Variants in RNF17 observed in about 807,000 individuals in gnomAD.
The protein encoded by RNF17 is ring finger protein 17.
In RNF17, 31 loss-of-function variants were observed where a neutral mutation model predicts 200.5. The observed-to-expected ratio is 0.15, with a 90% CI of 0.12 to 0.21. The LOEUF is 0.21. RNF17 is among the 10% of genes least tolerant of loss of function. RNF17 has a pLI of 1.00. For missense variants in RNF17, 1,628 were observed against 1,905.1 expected (o/e 0.85, Z 2.71); for synonymous variants, 606 against 637.8 (o/e 0.95, Z 0.75).
At chr13:24,863,245 G>A (rs981965859) in intron 28 of RNF17, among the ~76,000 whole-genome samples, 1 of 152,180 alleles carries the variant, frequency 6.6e-6, no homozygotes, top group African/African-American at 2.4e-5. Flanking sequence ...AACATGCCAA[G>A]AGCTAAGTGA....
downstream of RNF17, among the ~76,000 whole-genome samples, chr13:24,881,050 A>G (rs1380023096): frequency 2.0e-5 from 3 of 152,120 alleles, no homozygotes; most frequent in Admixed American, 1.3e-4. Context: ...GAAACAATGT[A>G]TTCTAGTCAT....
intron 6 of RNF17, 44 bp downstream of exon 6, chr13:24,781,988 A>T: frequency 8.4e-7 from 1 of 1,188,478 alleles, no homozygotes; most frequent in Non-Finnish European, 1.2e-6. Context: ...TGAAGTTTCT[A>T]ACACTAACTT....
chr13:24,808,641 TCTC>T (rs1325197532), intron 15 of RNF17, among the ~76,000 whole-genome samples: 1 of 91,284 alleles, frequency 1.1e-5, no homozygotes, highest in East Asian at 2.8e-4. Flanking sequence ...TTTATTTCCT[TCTC>T]CTGCCTAATT....
intron 15 of RNF17, among the ~76,000 whole-genome samples, chr13:24,819,608 A>G (rs565043184): frequency 6.6e-6 from 1 of 152,358 alleles, no homozygotes; most frequent in Admixed American, 6.5e-5. Flanking sequence ...AGTTAATACC[A>G]ACATAATTTT....
chr13:24,804,799 A>G (rs1236704290), intron 15 of RNF17, among the ~76,000 whole-genome samples: 1 of 152,210 alleles, frequency 6.6e-6, no homozygotes, highest in Non-Finnish European at 1.5e-5. Flanking sequence ...CAAAATAGAC[A>G]CAGATTAAAG....
intron 7 of RNF17, among the ~76,000 whole-genome samples, chr13:24,788,690 G>A (rs1301704250): frequency 6.6e-6 from 1 of 152,030 alleles, no homozygotes; most frequent in Non-Finnish European, 1.5e-5. Flanking sequence ...GTGCCTGAGG[G>A]GTAGAATTGG....
intron 25 of RNF17, among the ~76,000 whole-genome samples, chr13:24,855,439 CCAA>C (rs1329412785): frequency 6.6e-6 from 1 of 151,900 alleles, no homozygotes; most frequent in African/African-American, 2.4e-5. Flanking sequence ...ACCAGCCTGG[CCAA>C]CATGGTGAAA....
At chr13:24,861,484 T>G (rs557328884) in intron 27 of RNF17, 97 bp downstream of exon 27, 1 of 890,402 alleles carries the variant, frequency 1.1e-6, no homozygotes, top group South Asian at 2.3e-5. Context: ...AAATTTCAGT[T>G]GCAACAAAAA....
intron 5 of RNF17, 51 bp from the exon 6 acceptor site, chr13:24,781,793 C>G: frequency 7.4e-7 from 1 of 1,359,336 alleles, no homozygotes; most frequent in Non-Finnish European, 1.0e-6. Context: ...ACAACTTCTA[C>G]AAAATAAAAA....
intron 14 of RNF17, 58 bp from the exon 15 acceptor site, chr13:24,804,230 T>A (rs1885585388): frequency 6.5e-7 from 1 of 1,542,692 alleles, no homozygotes; most frequent in Non-Finnish European, 8.8e-7. Context: ...ACCACTGCAC[T>A]CCAGCCTGGG....
intron 22 of RNF17, among the ~76,000 whole-genome samples, chr13:24,849,153 T>A (rs1357432837): frequency 6.6e-6 from 1 of 152,246 alleles, no homozygotes; most frequent in East Asian, 1.9e-4. Context: ...AATGAGGCCC[T>A]GTCTCTTAAA....
chr13:24,756,031 T>C, the RNF17 span, among the ~76,000 whole-genome samples: 1 of 152,168 alleles, frequency 6.6e-6, no homozygotes, highest in Non-Finnish European at 1.5e-5. Context: ...TTGTAAATAG[T>C]TGTGGAATTT....
At chr13:24,773,472 T>G (rs929825820) in intron 2 of RNF17, among the ~76,000 whole-genome samples, 2 of 152,124 alleles carry the variant, frequency 1.3e-5, no homozygotes, top group African/African-American at 4.8e-5. Context: ...AAGTACCACA[T>G]TTTCACTTCA....
chr13:24,851,481 C>T lies in RNF17; in HGVS notation c.3230C>T (p.Pro1077Leu). 1 of 1,613,018 alleles carries T rather than the reference C, an allele frequency of 6.2e-7. No individual in the cohort carries two copies. Among genetic ancestry groups the T allele is most frequent in the Non-Finnish European group, 8.5e-7 (1 of 1,179,492 alleles). Reference sequence around the variant, plus strand: ...GAAAACAACACAACATGGCCATTACCTGTGAAAATTTTCTGCAGAGATGAA... The same window carrying T: ...GAAAACAACACAACATGGCCATTACTTGTGAAAATTTTCTGCAGAGATGAA... ...SEENNTTWPL[P>L]VKIFCRDEKG... Residue 1077 changes from proline (P) to leucine (L), a missense_variant, in exon 24 of 36, where the codon CCT (proline) becomes CTT (leucine). By Grantham distance (98) the Pro-to-Leu change is moderately conservative (BLOSUM62 -3). This residue lies in a region of RNF17 where 609 missense variants were observed against 681.9 expected (regional missense o/e 0.89). Coordinates refer to ENST00000255324, the MANE Select transcript of RNF17 (RefSeq NM_031277.3).
downstream of RNF17, among the ~76,000 whole-genome samples, chr13:24,881,847 T>C (rs1228626904): frequency 4.3e-5 from 5 of 117,122 alleles, no homozygotes; most frequent in African/African-American, 1.5e-4. Context: ...GATATATAGA[T>C]ACATCTATAT....
At position 24,861,425 on chromosome 13, in the gene RNF17, A is replaced by C. The variant is rs568285872; in HGVS notation, c.3894+38A>C. On this transcript the variant is annotated intron_variant, in intron 27 of 35. Coordinates refer to ENST00000255324, the MANE Select transcript of RNF17 (RefSeq NM_031277.3). ...TAATTTGTGGAATGATTAATTTTAA[A>C]TATTAGTTTTTATTAATAATTTTTT... 3.4e-5 allele frequency: 45 copies of C among 1,314,284 alleles called. 1 individual carries two copies. In the African/African-American group the frequency reaches 4.8e-4, roughly 14 times the overall value. 81.4% of individuals were successfully genotyped at this position (1,314,284 alleles called of 1,614,324 possible).
chr13:24,789,630 A>G (rs1883586016), intron 8 of RNF17, 68 bp from the exon 9 acceptor site: 3 of 1,065,522 alleles, frequency 2.8e-6, no homozygotes, highest in Non-Finnish European at 2.8e-6. Context: ...TCAGCAATTG[A>G]TTTTTGTCTA....
intron 2 of RNF17, among the ~76,000 whole-genome samples, chr13:24,769,199 A>G (rs1208193012): frequency 6.6e-6 from 1 of 152,092 alleles, no homozygotes; most frequent in Non-Finnish European, 1.5e-5. Flanking sequence ...AAAAAAAAAA[A>G]AGACTTGGCA....
chr13:24,804,554 C>A, intron 15 of RNF17, 125 bp downstream of exon 15: 1 of 639,300 alleles, frequency 1.6e-6, no homozygotes, highest in Non-Finnish European at 2.5e-6. Flanking sequence ...ACCTTCTATA[C>A]GTTTAAATTT....
Sources: allele counts gnomAD v4.1 joint callset (sites outside exome capture counted in the v4.1 genomes callset), GRCh38; gene constraint gnomAD v4.1.1; regional missense constraint gnomAD v4.1.1; transcripts MANE v1.5; gene names NCBI Gene and HGNC (gene_info 2026-07-23, HGNC 2026-07-21).